The following BRAP variants were observed in gnomAD, a reference collection of about 807,000 sequenced individuals.
BRAP encodes BRCA1 associated protein, also known as BRCA1-associated protein.
In BRAP, 42 loss-of-function variants were observed where a neutral mutation model predicts 73.4. The ratio of observed to expected loss-of-function variants is 0.57; its 90% CI spans 0.45 to 0.74. BRAP has a LOEUF of 0.74. Among genes scored for constraint, BRAP ranks in the 30% least tolerant of loss-of-function variants. The pLI is 0.00. For missense variants in BRAP, 593 were observed against 751.4 expected (o/e 0.79, Z 2.46); for synonymous variants, 255 against 267.4 (o/e 0.95, Z 0.45).
In BRAP at chr12:111,683,274, G is replaced by A. The variant is rs1234250530; in HGVS notation, c.116C>T (p.Thr39Met). 22 of 1,612,320 alleles carry A rather than the reference G, an allele frequency of 1.4e-5. No individual in the cohort carries two copies. Among genetic ancestry groups the A allele is most frequent in the Non-Finnish European group, 1.9e-5 (22 of 1,179,522 alleles). Reference protein sequence around the residue: ...GEMSDEEIKKTTLASAVACLE... With the variant: ...GEMSDEEIKKMTLASAVACLE... ...ACAGGCTACAGCTGAGGCTAGTGTC[G>A]TCTTTTTTATCTCCTCATCAGACAT... The change falls in exon 2 of 12, where the codon ACG (threonine) becomes ATG (methionine). Residue 39 changes from threonine (T) to methionine (M), a missense_variant. By Grantham distance (81) the Thr-to-Met change is moderately conservative. This residue lies in a region of BRAP where 304 missense variants were observed against 337.7 expected (regional missense o/e 0.90). Transcript: ENST00000419234.
At chr12:111,672,418 A>G in intron 5 of BRAP, among the ~76,000 whole-genome samples, 1 of 152,090 alleles carries the variant, frequency 6.6e-6, no homozygotes, top group East Asian at 1.9e-4. Flanking sequence ...GGCTTGTAGT[A>G]TATTCACAAG....
intron 6 of BRAP, among the ~76,000 whole-genome samples, chr12:111,662,546 G>C (rs931881320): frequency 6.6e-6 from 1 of 150,562 alleles, no homozygotes; most frequent in African/African-American, 2.4e-5. Flanking sequence ...GCGAAACTCC[G>C]TCTAAAAAAA....
intron 9 of BRAP, among the ~76,000 whole-genome samples, chr12:111,656,457 G>A (rs1312646432): frequency 1.3e-5 from 2 of 152,210 alleles, no homozygotes; most frequent in African/African-American, 4.8e-5. Flanking sequence ...CAGGTTAGGA[G>A]ATATGGCACC....
chr12:111,655,482 T>G, intron 10 of BRAP, 84 bp downstream of exon 10: 2 of 1,115,644 alleles, frequency 1.8e-6, no homozygotes, highest in Admixed American at 1.8e-5. Context: ...GATTCCTCTT[T>G]CCCTGTACTC....
intron 4 of BRAP, among the ~76,000 whole-genome samples, chr12:111,674,896 CT>C (rs1188205413): frequency 6.6e-6 from 1 of 152,160 alleles, no homozygotes; most frequent in Non-Finnish European, 1.5e-5. Context: ...TCTCTCACCT[CT>C]TCAGAGCCTC....
In BRAP at chr12:111,685,528, TGA is replaced by T. The variant is rs926341383; in HGVS notation, c.82+181_82+182del. On this transcript the variant is annotated intron_variant, in intron 1 of 11. Coordinates refer to ENST00000419234, the MANE Select transcript of BRAP (RefSeq NM_006768.5). Reference sequence around the variant, plus strand: ...AGGGAGGTTCGGGGCAGGGCTTCCCTGAGATAACAAACGGGAAGGCCTCTCAA... The same window carrying T: ...AGGGAGGTTCGGGGCAGGGCTTCCCTGATAACAAACGGGAAGGCCTCTCAA... 8.4e-6 allele frequency: 11 copies of T among 1,312,004 alleles called. No individual in the cohort carries two copies. In the Admixed American group the frequency reaches 1.7e-4, roughly 20 times the overall value. 81.3% of individuals were successfully genotyped at this position (1,312,004 alleles called of 1,614,324 possible).
At chr12:111,648,581 C>T (rs1391050475) in intron 11 of BRAP, among the ~76,000 whole-genome samples, 1 of 145,324 alleles carries the variant, frequency 6.9e-6, no homozygotes, top group Non-Finnish European at 1.5e-5. Flanking sequence ...CACTGTACTC[C>T]AGCCTATTGC....
chr12:111,671,605 C>G, intron 5 of BRAP, among the ~76,000 whole-genome samples: 1 of 151,962 alleles, frequency 6.6e-6, no homozygotes, highest in South Asian at 2.1e-4. Context: ...CACTTGTAAT[C>G]CCAGCACTTT....
Position 111,658,824 on chromosome 12 carries a change from A to G in BRAP, c.1133T>C (p.Val378Ala). ...TATTTTTCCATCTGTTTTACTTGCA[A>G]CCAGTCGATGAACATAGTTATCTAC... ...YAGDNYVHRL[V>A]ASKTDGKIVQ... is the part of the protein sequence containing the mutation. Residue 378 changes from valine (V) to alanine (A), a missense_variant, in exon 9 of 12, where the codon GTT becomes GCT. This residue lies in a region of BRAP where 143 missense variants were observed against 190.4 expected (regional missense o/e 0.75). Transcript: ENST00000419234. The G allele has an allele frequency of 6.2e-7, 1 of 1,610,918 alleles. No individual in the cohort carries two copies. Among genetic ancestry groups the G allele is most frequent in the Non-Finnish European group, 8.5e-7 (1 of 1,177,344 alleles).
At position 111,685,733 on chromosome 12, in the gene BRAP, G is replaced by A; in HGVS notation, c.60C>T (p.Ala20=). The change falls in exon 1 of 12, where the codon GCC becomes GCT. Residue 20 remains alanine, a synonymous_variant. Coordinates refer to ENST00000419234, the MANE Select transcript of BRAP (RefSeq NM_006768.5). ...CACCCGCGGCGCTGAAGCCGAAGCC[G>A]GCGGGGACAGGCGAGTGTTCCGCGA... ...LELAEHSPVP[A]GFGFSAAAGE... 1.2e-6 allele frequency: 2 copies of A among 1,609,268 alleles called. No homozygotes were observed. Among genetic ancestry groups the A allele is most frequent in the South Asian group, 1.1e-5 (1 of 90,662 alleles).
intron 4 of BRAP, 95 bp downstream of exon 4, chr12:111,679,056 G>T: frequency 1.2e-6 from 1 of 867,958 alleles, no homozygotes; most frequent in Non-Finnish European, 1.6e-6. Context: ...AGAATCTTAA[G>T]TGCAAAATGT....
At position 111,672,737 on chromosome 12, in the gene BRAP, C is replaced by T. The variant is rs770298646; in HGVS notation, c.671G>A (p.Arg224His). 4 of 1,613,982 alleles carry T rather than the reference C, an allele frequency of 2.5e-6. No individual in the cohort carries two copies. The highest frequency in any genetic ancestry group is 1.1e-5 in the South Asian group (1 of 91,074). ...ADSFYMTCNG[R>H]QFNSIEDDVC... Reference sequence around the variant, plus strand: ...GTCATCTTCTATTGAGTTGAACTGGCGGCCATTGCATGTCATATAAAAACT... The same window carrying T: ...GTCATCTTCTATTGAGTTGAACTGGTGGCCATTGCATGTCATATAAAAACT... The change falls in exon 5 of 12, where the codon CGC (arginine) becomes CAC (histidine). Residue 224 changes from arginine (R) to histidine (H), a missense_variant. Physicochemically the swap from Arg to His is conservative, Grantham distance 29 (BLOSUM62 0). Transcript: ENST00000419234.
intron 4 of BRAP, chr12:111,673,092 T>C (rs1031672641): frequency 2.2e-5 from 6 of 267,438 alleles, no homozygotes; most frequent in Middle Eastern, 2.4e-3. Context: ...ACATTTCCCT[T>C]AATAGCAGTT....
At chr12:111,667,763 A>G (rs1238870314) in intron 5 of BRAP, among the ~76,000 whole-genome samples, 1 of 151,466 alleles carries the variant, frequency 6.6e-6, no homozygotes, top group Non-Finnish European at 1.5e-5. Flanking sequence ...ACACCCTACA[A>G]TATACAAATC....
rs553028194 is a variant in BRAP, at chr12:111,665,423, T to C, written c.896+216A>G. Reference sequence around the variant, plus strand: ...CTTGGAAGGAAAGAACAACTCATGCTGCTTTGGGGAATTCCACAAGGGTTC... The same window carrying C: ...CTTGGAAGGAAAGAACAACTCATGCCGCTTTGGGGAATTCCACAAGGGTTC... On this transcript the variant is annotated intron_variant, in intron 6 of 11. Coordinates refer to ENST00000419234, the MANE Select transcript of BRAP (RefSeq NM_006768.5). The surrounding 1 kb of genome is among the most constrained non-coding windows in gnomAD (Gnocchi z 4.3). Among the ~76,000 whole-genome samples the C allele has an allele frequency of 4.2e-4, 64 of 152,244 alleles. No homozygotes were observed. Among genetic ancestry groups the C allele is most frequent in the Admixed American group, 1.2e-3 (18 of 15,282 alleles).
intron 3 of BRAP, among the ~76,000 whole-genome samples, chr12:111,680,637 A>G (rs1887564111): frequency 6.6e-6 from 1 of 152,016 alleles, no homozygotes; most frequent in Non-Finnish European, 1.5e-5. Flanking sequence ...GGTTGCAGTG[A>G]GCCAGGATTG....
chr12:111,646,764 T>G (rs549376930), intron 11 of BRAP, among the ~76,000 whole-genome samples: 1 of 152,278 alleles, frequency 6.6e-6, no homozygotes. Context: ...CAGAGCAAGA[T>G]TCCGTCTCAA....
chr12:111,644,550 T>C lies in BRAP; in HGVS notation c.1428A>G (p.Leu476=). 1.2e-6 allele frequency: 2 copies of C among 1,612,588 alleles called. No individual in the cohort carries two copies. Among genetic ancestry groups the C allele is most frequent in the Non-Finnish European group, 1.7e-6 (2 of 1,178,696 alleles). The change falls in exon 12 of 12, where the codon CTA becomes CTG. Residue 476 remains leucine (L), a synonymous_variant. Transcript: ENST00000419234. ...TGGTGAGTTTGGCCACTTTTGTGTT[T>C]AGCTGAGTGCACCTTTTGAAAAACA... is the stretch of plus-strand genomic sequence containing the variant. ...KQSVERKCTQ[L]NTKVAKLTNE... is the part of the protein sequence containing the mutation.
At chr12:111,658,906 T>C (rs1886636078) in intron 8 of BRAP, 61 bp from the exon 9 acceptor site, 1 of 1,340,796 alleles carries the variant, frequency 7.5e-7, no homozygotes, top group East Asian at 2.3e-5. Context: ...TGTACACTTT[T>C]AACTCTGACA....
Sources: allele counts gnomAD v4.1 joint callset (sites outside exome capture counted in the v4.1 genomes callset), GRCh38; gene constraint gnomAD v4.1.1; regional missense constraint gnomAD v4.1.1; non-coding constraint Gnocchi (gnomAD v3.1); transcripts MANE v1.5; gene names NCBI Gene and HGNC (gene_info 2026-07-23, HGNC 2026-07-21).